ARB2A: variants seen among roughly 807,000 people sequenced by gnomAD.
ARB2A encodes cotranscriptional regulator ARB2A.
the ARB2A span, chr5:93,741,635 C>G: frequency 7.0e-7 from 1 of 1,428,996 alleles, no homozygotes; most frequent in Non-Finnish European, 9.2e-7. Flanking sequence ...GCCACCGGCC[C>G]CCTCAAGCCC....
At chr5:93,655,607 A>G in the ARB2A span, among the ~76,000 whole-genome samples, 7 of 152,340 alleles carry the variant, frequency 4.6e-5, no homozygotes, top group South Asian at 1.4e-3. Flanking sequence ...TACGCAAGGG[A>G]AAGAGCAAGA....
At chr5:93,870,314 A>C in the ARB2A span, among the ~76,000 whole-genome samples, 1 of 152,214 alleles carries the variant, frequency 6.6e-6, no homozygotes, top group Non-Finnish European at 1.5e-5. Context: ...CAAATGTCTC[A>C]ATGAGGCAGT....
chr5:93,849,496 T>C, the ARB2A span, among the ~76,000 whole-genome samples: 1 of 152,060 alleles, frequency 6.6e-6, no homozygotes, highest in South Asian at 2.1e-4. Flanking sequence ...ATACATATCT[T>C]CTACTTGATG....
chr5:94,080,190 TCAAA>T, the ARB2A span, among the ~76,000 whole-genome samples: 8 of 151,944 alleles, frequency 5.3e-5, no homozygotes, highest in Non-Finnish European at 1.0e-4. Flanking sequence ...ACAGAGTATG[TCAAA>T]CAAACATAAA....
At chr5:93,737,939 G>C in the ARB2A span, 1 of 447,792 alleles carries the variant, frequency 2.2e-6, no homozygotes, top group South Asian at 1.6e-5. Flanking sequence ...AACATGAAAA[G>C]CCTAAGCAAC....
the ARB2A span, among the ~76,000 whole-genome samples, chr5:93,849,205 A>G: frequency 6.6e-6 from 1 of 152,176 alleles, no homozygotes; most frequent in Non-Finnish European, 1.5e-5. Flanking sequence ...GGGTCTTAGG[A>G]TAGGATACCA....
the ARB2A span, among the ~76,000 whole-genome samples, chr5:93,874,426 G>T: frequency 6.6e-6 from 1 of 152,120 alleles, no homozygotes; most frequent in Non-Finnish European, 1.5e-5. Context: ...TCCAGGAAGG[G>T]GAGAGCTTCC....
At chr5:93,842,464 G>C in the ARB2A span, among the ~76,000 whole-genome samples, 1 of 152,114 alleles carries the variant, frequency 6.6e-6, no homozygotes, top group African/African-American at 2.4e-5. Context: ...TTCAAGATCC[G>C]TATCTGAGTG....
chr5:93,916,466 A>G, the ARB2A span, among the ~76,000 whole-genome samples: 288 of 152,306 alleles, frequency 1.9e-3, no homozygotes, highest in Middle Eastern at 0.014. Flanking sequence ...ACCAAGTTTA[A>G]TAAGACAATT....
the ARB2A span, chr5:93,959,094 C>T: frequency 1.8e-6 from 1 of 557,986 alleles, no homozygotes; most frequent in African/African-American, 1.9e-5. Context: ...AAGTAAAAAA[C>T]AATTTTAACA....
At chr5:93,626,267 A>G in the ARB2A span, among the ~76,000 whole-genome samples, 1 of 152,356 alleles carries the variant, frequency 6.6e-6, no homozygotes, top group African/African-American at 2.4e-5. Flanking sequence ...ATCATTCTTC[A>G]AATGATATCA....
the ARB2A span, among the ~76,000 whole-genome samples, chr5:93,927,500 C>A: frequency 6.6e-6 from 1 of 152,252 alleles, no homozygotes; most frequent in South Asian, 2.1e-4. Context: ...TCCTCAGTAC[C>A]GTAAACTTCA....
the ARB2A span, among the ~76,000 whole-genome samples, chr5:93,687,124 G>A: frequency 2.6e-5 from 4 of 152,010 alleles, no homozygotes; most frequent in Non-Finnish European, 5.9e-5. Context: ...ATAAAGAATT[G>A]ACAAAGACTC....
At chr5:93,988,587 C>T in the ARB2A span, among the ~76,000 whole-genome samples, 503 of 152,298 alleles carry the variant, frequency 3.3e-3, 4 homozygotes, top group Non-Finnish European at 4.9e-3. Context: ...AATGCCTTTT[C>T]CAAGCTCTGT....
chr5:93,854,806 C>A, the ARB2A span, among the ~76,000 whole-genome samples: 2 of 152,164 alleles, frequency 1.3e-5, no homozygotes. Flanking sequence ...AGTTTGATTG[C>A]ACTGTGGTCT....
chr5:93,683,820 T>G, the ARB2A span, among the ~76,000 whole-genome samples: 1 of 149,194 alleles, frequency 6.7e-6, no homozygotes, highest in South Asian at 2.1e-4. Context: ...AGGCAAAAAG[T>G]TTTTTTTTTA....
chr5:94,006,054 T>A, the ARB2A span, among the ~76,000 whole-genome samples: 61 of 152,314 alleles, frequency 4.0e-4, no homozygotes, highest in African/African-American at 1.4e-3. Context: ...ATAAATATAC[T>A]CTTAGCCTGA....
the ARB2A span, among the ~76,000 whole-genome samples, chr5:93,757,190 A>G: frequency 6.6e-6 from 1 of 152,136 alleles, no homozygotes; most frequent in South Asian, 2.1e-4. Flanking sequence ...AAAAAAGAAT[A>G]AGAAAATATG....
chr5:94,108,214 C>T, the ARB2A span, among the ~76,000 whole-genome samples: 1 of 152,102 alleles, frequency 6.6e-6, no homozygotes, highest in Non-Finnish European at 1.5e-5. Context: ...ACAAAACAAA[C>T]GACATCTACT....
Sources: gnomAD v4.1 joint callset for allele counts (sites outside exome capture counted in the v4.1 genomes callset) on GRCh38, gnomAD v4.1.1 for gene constraint, MANE v1.5 for transcripts, NCBI Gene and HGNC (gene_info 2026-07-23, HGNC 2026-07-21) for gene names.